Variants in DCAF8 observed in about 807,000 individuals in gnomAD.
The protein encoded by DCAF8 is DDB1 and CUL4 associated factor 8.
DCAF8 carries 20 observed loss-of-function variants against 68.0 expected under a neutral mutation model. That is an observed-to-expected ratio of 0.29 (90% CI 0.21 to 0.43). The LOEUF (loss-of-function observed/expected upper bound fraction) is 0.43, where lower values mean the gene tolerates loss of function less well. DCAF8 is among the 20% of genes least tolerant of loss of function. The pLI is 1.00. For synonymous variants in DCAF8, 230 were observed against 276.9 expected, an observed-to-expected ratio of 0.83 and a Z score of 1.68; for missense variants, 460 against 771.0, an observed-to-expected ratio of 0.60 and a Z score of 4.78.
intron 2 of DCAF8, among the ~76,000 whole-genome samples, chr1:160,258,728 C>A (rs1312943781): frequency 6.6e-6 from 1 of 150,392 alleles, no homozygotes; most frequent in Non-Finnish European, 1.5e-5. Flanking sequence ...CCAGCCTAGG[C>A]AACAAAGTGA....
chr1:160,228,743 A>G (rs74125516), intron 7 of DCAF8, among the ~76,000 whole-genome samples: 2,414 of 152,150 alleles, frequency 0.016, 63 homozygotes, highest in African/African-American at 0.049. Flanking sequence ...CTATTTCTCT[A>G]TATTCCCTTG....
At position 160,240,105 on chromosome 1, in the gene DCAF8, CTCCTCTTCCTCT is replaced by C. The variant is rs745776382; in HGVS notation, c.303_314del (p.Glu109_Glu112del). 3 of 1,595,770 alleles carry C rather than the reference CTCCTCTTCCTCT, an allele frequency of 1.9e-6. No homozygotes were observed. The highest frequency in any genetic ancestry group is 2.7e-5 in the African/African-American group (2 of 74,844). On this transcript the variant is annotated inframe_deletion, in exon 4 of 14. Transcript: ENST00000368074. ...GCTGCTCTTCTTCCTCCTCTTCTTC[CTCCTCTTCCTCT>C]TCCTCTGAGCGGTCATGGACTCGAT...
intron 10 of DCAF8, 134 bp from the exon 11 acceptor site, chr1:160,222,915 A>G (rs1655345159): frequency 1.6e-5 from 21 of 1,280,106 alleles, no homozygotes; most frequent in Non-Finnish European, 2.3e-5. Context: ...TAGTTATAGG[A>G]ATCACACCAG....
chr1:160,231,625 T>C (rs73027618), intron 6 of DCAF8, among the ~76,000 whole-genome samples: 4,007 of 152,182 alleles, frequency 0.026, 210 homozygotes, highest in African/African-American at 0.092. Flanking sequence ...GGGAAAAAAA[T>C]ATGTAGTGAA....
At chr1:160,225,498 G>A (rs1263751971) in intron 8 of DCAF8, 93 bp downstream of exon 8, 1 of 993,756 alleles carries the variant, frequency 1.0e-6, no homozygotes, top group African/African-American at 1.6e-5. Context: ...TGACTTGAAA[G>A]TCCAAGCTCT....
At chr1:160,244,399 G>C (rs1406210450) in intron 2 of DCAF8, among the ~76,000 whole-genome samples, 1 of 152,170 alleles carries the variant, frequency 6.6e-6, no homozygotes, top group Non-Finnish European at 1.5e-5. Flanking sequence ...AATACATAAA[G>C]CTAACTTCAG....
intron 3 of DCAF8, among the ~76,000 whole-genome samples, chr1:160,241,996 GC>G (rs1557837270): frequency 6.6e-6 from 1 of 152,060 alleles, no homozygotes; most frequent in East Asian, 1.9e-4. Flanking sequence ...TAATCCCAGC[GC>G]TTTGGGAGGC....
intron 11 of DCAF8, 26 bp downstream of exon 11, chr1:160,222,621 GAGCC>G (rs1655335664): frequency 1.2e-6 from 2 of 1,612,102 alleles, no homozygotes; most frequent in African/African-American, 1.3e-5. Flanking sequence ...AGAGATTAGG[GAGCC>G]AGCCAGCTCA....
intron 6 of DCAF8, among the ~76,000 whole-genome samples, chr1:160,236,328 ATACATATGTGTGTATATGTGTG>A (rs1409833322): frequency 4.2e-5 from 6 of 142,482 alleles, no homozygotes; most frequent in East Asian, 1.9e-4. Flanking sequence ...GTGTATATAA[ATACATATGTGTGTATATGTGTG>A]TACATATGTG....
Position 160,237,148 on chromosome 1 carries a change from C to T in DCAF8, c.946G>A (p.Asp316Asn). 1 of 1,568,906 alleles carries T rather than the reference C, an allele frequency of 6.4e-7. No individual in the cohort carries two copies. The highest frequency in any genetic ancestry group is 1.9e-5 in the Admixed American group (1 of 53,304). The change falls in exon 6 of 14, where the codon GAC becomes AAC. Residue 316 changes from aspartate (D) to asparagine (N), a missense_variant. By Grantham distance (23) the Asp-to-Asn change is conservative. This residue lies in a region of DCAF8 where 170 missense variants were observed against 318.2 expected (regional missense o/e 0.53). Coordinates refer to ENST00000368074, the MANE Select transcript of DCAF8 (RefSeq NM_015726.4). Reference sequence around the variant, plus strand: ...TGCTACACTTACGACGCTGGGCGGTCTTGTCTCAGGTCAATGGTGAAAACA... The same window carrying T: ...TGCTACACTTACGACGCTGGGCGGTTTTGTCTCAGGTCAATGGTGAAAACA... The part of the protein sequence containing the change: ...AVVFTIDLRQ[D>N]RPASKLVVTK...
chr1:160,244,533 A>C (rs1020989047), intron 2 of DCAF8, among the ~76,000 whole-genome samples: 18 of 152,214 alleles, frequency 1.2e-4, no homozygotes, highest in African/African-American at 3.9e-4. Context: ...TTTTACACAC[A>C]AATCAACAGA....
rs528910155 is a variant in DCAF8, at chr1:160,232,959, C to T, written c.960-1552G>A. 2.1e-3 allele frequency among the ~76,000 whole-genome samples: 319 copies of T among 152,296 alleles called. 2 individuals are homozygous for T. Among genetic ancestry groups the T allele is most frequent in the Admixed American group, 2.7e-3 (41 of 15,290 alleles). On this transcript the variant is annotated intron_variant, in intron 6 of 13. Transcript: ENST00000368074. The stretch of plus-strand genomic sequence containing the variant: ...AGGGTGGCATGAGGAATATTCTTCT[C>T]AGATCTAAGCATTCAATTAGTCAAA...
At chr1:160,246,582 AG>A (rs1186821819) in intron 2 of DCAF8, among the ~76,000 whole-genome samples, 1 of 152,260 alleles carries the variant, frequency 6.6e-6, no homozygotes, top group Non-Finnish European at 1.5e-5. Flanking sequence ...GCTTGAGCTC[AG>A]GAATTCAAGA....
intron 11 of DCAF8, 146 bp downstream of exon 11, chr1:160,222,505 C>G: frequency 1.8e-6 from 2 of 1,118,670 alleles, no homozygotes; most frequent in South Asian, 3.1e-5. Flanking sequence ...AACTCAGCAC[C>G]TCCAGGCTAA....
intron 3 of DCAF8, among the ~76,000 whole-genome samples, chr1:160,243,113 T>C (rs1309258310): frequency 6.6e-6 from 1 of 152,202 alleles, no homozygotes; most frequent in Non-Finnish European, 1.5e-5. Flanking sequence ...TGCCCAACTA[T>C]ATCCATTTAA....
chr1:160,222,908 T>C, intron 10 of DCAF8, 127 bp from the exon 11 acceptor site: 1 of 1,344,572 alleles, frequency 7.4e-7, no homozygotes, highest in South Asian at 1.4e-5. Flanking sequence ...TAACAGATAG[T>C]TATAGGAATC....
At position 160,237,217 on chromosome 1, in the gene DCAF8, G is replaced by T; in HGVS notation, c.877C>A (p.Pro293Thr). ...KGASHKLALEPDSPCTFLSAG... is the reference protein window; with the variant it reads ...KGASHKLALETDSPCTFLSAG... ...GATAAGAACGTACAGGGAGAGTCTG[G>T]TTCCAGTGCCAACTGAAGAAGAAAA... Residue 293 changes from proline to threonine, a missense_variant, in exon 6 of 14, where the codon CCA becomes ACA. This residue lies in a region of DCAF8 where 170 missense variants were observed against 318.2 expected (regional missense o/e 0.53). Coordinates refer to ENST00000368074, the MANE Select transcript of DCAF8 (RefSeq NM_015726.4). 6.4e-7 allele frequency: 1 copy of T among 1,570,076 alleles called. No individual in the cohort carries two copies. Among genetic ancestry groups the T allele is most frequent in the African/African-American group, 1.3e-5 (1 of 74,440 alleles).
At chr1:160,227,568 T>G (rs1201787263) in intron 7 of DCAF8, among the ~76,000 whole-genome samples, 2 of 152,208 alleles carry the variant, frequency 1.3e-5, no homozygotes, top group African/African-American at 4.8e-5. Context: ...AAGTGTTTAT[T>G]AATAGCTTAC....
chr1:160,239,323 TACAGATA>T, intron 4 of DCAF8: 1 of 1,219,246 alleles, frequency 8.2e-7, no homozygotes, highest in Non-Finnish European at 1.1e-6. Flanking sequence ...AGTCCCATTT[TACAGATA>T]AACTGAAGAC....
Sources: gnomAD v4.1 joint callset for allele counts (sites outside exome capture counted in the v4.1 genomes callset) on GRCh38, gnomAD v4.1.1 for gene constraint, gnomAD v4.1.1 regional missense constraint, MANE v1.5 for transcripts, NCBI Gene and HGNC (gene_info 2026-07-23, HGNC 2026-07-21) for gene names.